BMAL2: variants seen among roughly 807,000 people sequenced by gnomAD.
The protein encoded by BMAL2 is basic helix-loop-helix ARNT-like protein 2.
At chr12:27,385,381 C>T in the BMAL2 span, 1 of 656,386 alleles carries the variant, frequency 1.5e-6, no homozygotes, top group South Asian at 2.0e-5. Context: ...TTAGAATGTG[C>T]CAAAGAGCAA....
chr12:27,361,064 A>T, the BMAL2 span, among the ~76,000 whole-genome samples: 14 of 152,210 alleles, frequency 9.2e-5, no homozygotes, highest in African/African-American at 2.7e-4. Flanking sequence ...TTAAACTTTT[A>T]TGAAAAATGA....
At chr12:27,385,494 T>G in the BMAL2 span, 1 of 1,606,744 alleles carries the variant, frequency 6.2e-7, no homozygotes, top group Non-Finnish European at 8.5e-7. Context: ...TGACAAATTC[T>G]TATGTGGGAA....
the BMAL2 span, chr12:27,370,149 A>C: frequency 6.2e-7 from 1 of 1,614,012 alleles, no homozygotes; most frequent in Non-Finnish European, 8.5e-7. Context: ...ATGACAGAAA[A>C]AGTGGTGGAA....
At chr12:27,340,321 C>T in the BMAL2 span, among the ~76,000 whole-genome samples, 7 of 152,290 alleles carry the variant, frequency 4.6e-5, no homozygotes, top group East Asian at 1.3e-3. Context: ...TTGCATATTG[C>T]TAGCCAGTTA....
chr12:27,385,837 T>C, the BMAL2 span, among the ~76,000 whole-genome samples: 2 of 152,066 alleles, frequency 1.3e-5, no homozygotes, highest in Admixed American at 1.3e-4. Flanking sequence ...ACACATAGGA[T>C]CTACTCCCCC....
At chr12:27,415,035 TA>T in the BMAL2 span, among the ~76,000 whole-genome samples, 1 of 151,848 alleles carries the variant, frequency 6.6e-6, no homozygotes, top group Non-Finnish European at 1.5e-5. Flanking sequence ...GCTGACTAAA[TA>T]AAAATAGAGT....
chr12:27,373,603 C>G, the BMAL2 span, among the ~76,000 whole-genome samples: 1 of 152,006 alleles, frequency 6.6e-6, no homozygotes, highest in Non-Finnish European at 1.5e-5. Context: ...GGAAGCCTGC[C>G]CAGAATATGT....
chr12:27,338,538 A>G, the BMAL2 span, among the ~76,000 whole-genome samples: 1 of 152,040 alleles, frequency 6.6e-6, no homozygotes, highest in Non-Finnish European at 1.5e-5. Flanking sequence ...GAAAATCACC[A>G]GTGACATGCA....
At chr12:27,357,376 C>T in the BMAL2 span, among the ~76,000 whole-genome samples, 1 of 152,132 alleles carries the variant, frequency 6.6e-6, no homozygotes, top group Non-Finnish European at 1.5e-5. Flanking sequence ...ATGACACTGA[C>T]AAATGGAAAC....
At chr12:27,387,577 A>G in the BMAL2 span, among the ~76,000 whole-genome samples, 1 of 152,160 alleles carries the variant, frequency 6.6e-6, no homozygotes, top group African/African-American at 2.4e-5. Flanking sequence ...AGTCAAAATG[A>G]TTATACCTGT....
chr12:27,411,195 A>G, the BMAL2 span, among the ~76,000 whole-genome samples: 1 of 152,038 alleles, frequency 6.6e-6, no homozygotes, highest in African/African-American at 2.4e-5. Flanking sequence ...CGGTGCGATC[A>G]TGGCTCACTG....
chr12:27,371,761 A>G, the BMAL2 span, among the ~76,000 whole-genome samples: 1 of 152,160 alleles, frequency 6.6e-6, no homozygotes. Flanking sequence ...GAAATTTGCC[A>G]TTTGAACCAC....
At chr12:27,415,772 A>T in the BMAL2 span, 1 of 810,324 alleles carries the variant, frequency 1.2e-6, no homozygotes, top group Non-Finnish European at 2.0e-6. Flanking sequence ...CAAGTTCCTC[A>T]CTGTATTTTT....
At chr12:27,414,506 G>T in the BMAL2 span, among the ~76,000 whole-genome samples, 1 of 152,134 alleles carries the variant, frequency 6.6e-6, no homozygotes, top group African/African-American at 2.4e-5. Context: ...GAGGAAAATC[G>T]TAAGAGTCAC....
the BMAL2 span, among the ~76,000 whole-genome samples, chr12:27,413,585 G>A: frequency 6.6e-6 from 1 of 152,078 alleles, no homozygotes; most frequent in Non-Finnish European, 1.5e-5. Flanking sequence ...CAGTAAGAAA[G>A]GAAGAATGGA....
chr12:27,386,885 C>A, the BMAL2 span, among the ~76,000 whole-genome samples: 2 of 152,164 alleles, frequency 1.3e-5, no homozygotes, highest in Non-Finnish European at 2.9e-5. Context: ...CCTGCCTCGG[C>A]CTCCCAAAGT....
At chr12:27,421,229 G>A in the BMAL2 span, 4 of 151,980 alleles carry the variant, frequency 2.6e-5, no homozygotes, top group African/African-American at 9.7e-5. Flanking sequence ...TAGATCTTGG[G>A]GATTAACCTC....
chr12:27,343,354 G>A, the BMAL2 span, among the ~76,000 whole-genome samples: 156 of 152,302 alleles, frequency 1.0e-3, no homozygotes, highest in African/African-American at 3.7e-3. Context: ...TATGAACACT[G>A]ATGCATTTTT....
chr12:27,370,878 A>G, the BMAL2 span, among the ~76,000 whole-genome samples: 196 of 152,152 alleles, frequency 1.3e-3, 1 homozygote, highest in Middle Eastern at 6.8e-3. Flanking sequence ...TGCTGGGATT[A>G]TAGGCATAAG....
Sources: allele counts gnomAD v4.1 joint callset (sites outside exome capture counted in the v4.1 genomes callset), GRCh38; gene constraint gnomAD v4.1.1; transcripts MANE v1.5; gene names NCBI Gene and HGNC (gene_info 2026-07-23, HGNC 2026-07-21).